The following RBMS3 variants were observed in gnomAD, a reference collection of about 807,000 sequenced individuals.
RBMS3 encodes the protein RNA-binding motif, single-stranded-interacting protein 3.
A neutral mutation model predicts 66.8 loss-of-function variants in RBMS3; 27 were observed. That is an observed-to-expected ratio of 0.40 (90% CI 0.30 to 0.56). RBMS3 has a LOEUF of 0.56. Ranked by LOEUF, RBMS3 falls within the 20% of genes least tolerant of loss-of-function variation. RBMS3 has a pLI of 0.40. For synonymous variants in RBMS3, 188 were observed against 183.0 expected, an observed-to-expected ratio of 1.03 and a Z score of -0.22; for missense variants, 513 against 549.5, an observed-to-expected ratio of 0.93 and a Z score of 0.66.
intron 4 of RBMS3, among the ~76,000 whole-genome samples, chr3:29,650,277 TTC>T (rs59341271): frequency 0.013 from 1,615 of 124,474 alleles, 15 homozygotes; most frequent in African/African-American, 0.042. Flanking sequence ...ACTCCTTTCT[TTC>T]TTTTTTTTTT....
chr3:29,363,722 G>GGA (rs1225102109), intron 1 of RBMS3, among the ~76,000 whole-genome samples: 6 of 151,620 alleles, frequency 4.0e-5, no homozygotes. Flanking sequence ...CCCAGGAGGC[G>GGA]GAGGTTGTGG....
At chr3:29,739,458 G>GAAAAAAAA (rs56861996) in intron 4 of RBMS3, among the ~76,000 whole-genome samples, 4 of 129,604 alleles carry the variant, frequency 3.1e-5, no homozygotes, top group Non-Finnish European at 4.8e-5. Flanking sequence ...TCCGTCTCAA[G>GAAAAAAAA]AAAAAAAAAA....
intron 4 of RBMS3, among the ~76,000 whole-genome samples, chr3:29,682,667 C>A (rs1327924753): frequency 1.3e-5 from 2 of 152,140 alleles, no homozygotes; most frequent in Non-Finnish European, 2.9e-5. Flanking sequence ...CACCTGGCAA[C>A]TGAAAGGGCC....
intron 12 of RBMS3, among the ~76,000 whole-genome samples, chr3:29,980,947 G>GT (rs201707135): frequency 0.027 from 4,182 of 152,210 alleles, 130 homozygotes; most frequent in East Asian, 0.17. Context: ...ATTTAAAGTA[G>GT]TTTTTTCTAA....
chr3:29,554,676 A>T (rs974601293), intron 3 of RBMS3, among the ~76,000 whole-genome samples: 5 of 152,174 alleles, frequency 3.3e-5, no homozygotes, highest in Non-Finnish European at 5.9e-5. Flanking sequence ...AGGAAAAAGG[A>T]TGATCAGGGC....
chr3:29,364,388 A>G, intron 1 of RBMS3, among the ~76,000 whole-genome samples: 1 of 152,198 alleles, frequency 6.6e-6, no homozygotes, highest in East Asian at 1.9e-4. Context: ...ACTATATTTT[A>G]TAACTTAGCA....
At chr3:29,816,263 T>G (rs1296504100) in intron 6 of RBMS3, among the ~76,000 whole-genome samples, 1 of 151,558 alleles carries the variant, frequency 6.6e-6, no homozygotes, top group East Asian at 1.9e-4. Flanking sequence ...CAAAAAGTCA[T>G]GTGCATCCCC....
At chr3:29,948,241 G>A (rs1313725475) in intron 12 of RBMS3, among the ~76,000 whole-genome samples, 1 of 151,704 alleles carries the variant, frequency 6.6e-6, no homozygotes, top group African/African-American at 2.4e-5. Flanking sequence ...CTTCATTGGA[G>A]TACATGATGC....
chr3:29,525,035 C>A (rs768842884), intron 3 of RBMS3, among the ~76,000 whole-genome samples: 1 of 151,838 alleles, frequency 6.6e-6, no homozygotes, highest in Non-Finnish European at 1.5e-5. Context: ...GTCTGGGCTG[C>A]GGAGTAAGAC....
intron 10 of RBMS3, among the ~76,000 whole-genome samples, chr3:29,921,179 C>T (rs911321286): frequency 6.6e-6 from 1 of 152,084 alleles, no homozygotes; most frequent in South Asian, 2.1e-4. Context: ...TCTCCTGCCT[C>T]AGCCTCCCAA....
chr3:29,986,745 C>A (rs747341492), intron 12 of RBMS3, among the ~76,000 whole-genome samples: 1 of 152,230 alleles, frequency 6.6e-6, no homozygotes, highest in East Asian at 1.9e-4. Context: ...GAGTTCAGGA[C>A]CAGCTTGGCC....
chr3:29,857,010 C>T (rs1444670126), intron 6 of RBMS3, among the ~76,000 whole-genome samples: 2 of 152,160 alleles, frequency 1.3e-5, no homozygotes, highest in African/African-American at 4.8e-5. Context: ...AAAATACCAT[C>T]TCAGGTCATT....
chr3:29,527,181 T>TAAAAAAAAAAAAAAAA (rs538907247), intron 3 of RBMS3, among the ~76,000 whole-genome samples: 5 of 87,822 alleles, frequency 5.7e-5, no homozygotes, highest in African/African-American at 2.4e-4. Flanking sequence ...TTAGGTAGAG[T>TAAAAAAAAAAAAAAAA]AAAAAAAAAA....
chr3:29,465,889 A>G (rs183670128), intron 2 of RBMS3, among the ~76,000 whole-genome samples: 112 of 152,102 alleles, frequency 7.4e-4, no homozygotes, highest in African/African-American at 2.6e-3. Flanking sequence ...TGAGCATATT[A>G]TGGTGGAATG....
intron 4 of RBMS3, among the ~76,000 whole-genome samples, chr3:29,603,208 C>T (rs944574324): frequency 1.3e-5 from 2 of 151,912 alleles, no homozygotes; most frequent in Non-Finnish European, 2.9e-5. Flanking sequence ...ATGTGGTAGT[C>T]GTTAATGTCC....
chr3:29,729,493 G>T (rs2054034528), intron 4 of RBMS3, among the ~76,000 whole-genome samples: 1 of 152,030 alleles, frequency 6.6e-6, no homozygotes, highest in African/African-American at 2.4e-5. Context: ...AATCTTTTGG[G>T]TATATACCCA....
chr3:29,983,838 T>C (rs1698176999), intron 12 of RBMS3, among the ~76,000 whole-genome samples: 2 of 152,196 alleles, frequency 1.3e-5, no homozygotes, highest in South Asian at 2.1e-4. Context: ...CTGGCTGCCC[T>C]TAACATTTTT....
intron 1 of RBMS3, among the ~76,000 whole-genome samples, chr3:29,347,292 C>T (rs1256128101): frequency 6.6e-6 from 1 of 152,130 alleles, no homozygotes. Flanking sequence ...AATCAGTATT[C>T]TTCAAGTGCC....
At chr3:29,696,771 T>C (rs2052299006) in intron 4 of RBMS3, among the ~76,000 whole-genome samples, 2 of 152,136 alleles carry the variant, frequency 1.3e-5, no homozygotes, top group African/African-American at 4.8e-5. Context: ...GAGCACCTTA[T>C]TAATTCAGCT....
Sources: gnomAD v4.1 joint callset for allele counts (sites outside exome capture counted in the v4.1 genomes callset) on GRCh38, gnomAD v4.1.1 for gene constraint, MANE v1.5 for transcripts, NCBI Gene and HGNC (gene_info 2026-07-23, HGNC 2026-07-21) for gene names.